Variants in IGSF11 observed in about 807,000 individuals in gnomAD.
IGSF11 encodes the protein CXADR like 1.
Under a neutral mutation model 41.0 loss-of-function variants are expected in IGSF11, and 22 were observed. The ratio of observed to expected loss-of-function variants is 0.54; its 90% CI spans 0.38 to 0.77. IGSF11 has a LOEUF of 0.77. Ranked by LOEUF, IGSF11 falls within the 30% of genes least tolerant of loss-of-function variation. The pLI, the probability that IGSF11 is intolerant of heterozygous loss-of-function variation, is 0.00. For missense variants in IGSF11, 444 were observed against 530.8 expected, an observed-to-expected ratio of 0.84 and a Z score of 1.61; for synonymous variants, 219 against 201.3, an observed-to-expected ratio of 1.09 and a Z score of -0.74.
intron 1 of IGSF11, among the ~76,000 whole-genome samples, chr3:118,988,731 T>C (rs565930374): frequency 2.6e-4 from 40 of 152,266 alleles, no homozygotes; most frequent in African/African-American, 8.9e-4. Flanking sequence ...AGCAACTATT[T>C]GCTTAAAAAA....
intron 1 of IGSF11, among the ~76,000 whole-genome samples, chr3:119,051,487 A>G (rs1051799464): frequency 2.0e-5 from 3 of 152,210 alleles, no homozygotes; most frequent in African/African-American, 7.2e-5. Context: ...AACAATTACT[A>G]CAAGACCTAA....
intron 1 of IGSF11, among the ~76,000 whole-genome samples, chr3:119,116,884 C>T (rs950027439): frequency 6.6e-6 from 1 of 152,104 alleles, no homozygotes; most frequent in Non-Finnish European, 1.5e-5. Flanking sequence ...TGTAGCCCCA[C>T]CCAGAAGTGA....
At chr3:119,051,141 T>C (rs1941608552) in intron 1 of IGSF11, among the ~76,000 whole-genome samples, 1 of 150,240 alleles carries the variant, frequency 6.7e-6, no homozygotes, top group African/African-American at 2.5e-5. Context: ...AAACTTAAAG[T>C]ATAATAATAA....
intron 4 of IGSF11, among the ~76,000 whole-genome samples, chr3:118,920,561 T>C (rs1447982806): frequency 1.3e-5 from 2 of 152,006 alleles, no homozygotes; most frequent in East Asian, 1.9e-4. Context: ...CCAACAAGAA[T>C]TGACCAAAGA....
intron 1 of IGSF11, among the ~76,000 whole-genome samples, chr3:119,045,909 T>A (rs1941329172): frequency 6.6e-6 from 1 of 152,032 alleles, no homozygotes; most frequent in East Asian, 1.9e-4. Flanking sequence ...TCCAGGGTAC[T>A]CCAACAGACC....
At chr3:118,973,485 C>G (rs923919449) in intron 1 of IGSF11, among the ~76,000 whole-genome samples, 1 of 152,174 alleles carries the variant, frequency 6.6e-6, no homozygotes, top group African/African-American at 2.4e-5. Flanking sequence ...TTTCTCTAAC[C>G]TGACTTGTCT....
intron 1 of IGSF11, among the ~76,000 whole-genome samples, chr3:119,101,231 C>CG (rs2076935044): frequency 6.6e-6 from 1 of 152,102 alleles, no homozygotes; most frequent in Non-Finnish European, 1.5e-5. Flanking sequence ...TAAAGCAGGC[C>CG]GGGTGCGGTG....
chr3:119,065,792 C>CAAAAAA (rs1193374379), intron 1 of IGSF11, among the ~76,000 whole-genome samples: 4 of 56,712 alleles, frequency 7.1e-5, no homozygotes, highest in East Asian at 1.1e-3. Context: ...GACTCTGTCT[C>CAAAAAA]AAAAAAAAAA....
chr3:119,056,625 G>C (rs1941846596), intron 1 of IGSF11, among the ~76,000 whole-genome samples: 1 of 152,158 alleles, frequency 6.6e-6, no homozygotes, highest in South Asian at 2.1e-4. Flanking sequence ...CATTTTATGA[G>C]GCCAGCACCA....
At chr3:119,030,749 G>A (rs186622051) in intron 1 of IGSF11, among the ~76,000 whole-genome samples, 5 of 152,218 alleles carry the variant, frequency 3.3e-5, no homozygotes, top group African/African-American at 9.6e-5. Context: ...ATGGTGTGGG[G>A]GCAGTTTTCA....
In IGSF11 at chr3:119,005,597, G is replaced by A. The variant is rs1231064966; in HGVS notation, c.52+28934C>T. On this transcript the variant is annotated intron_variant, in intron 1 of 6. Transcript: ENST00000393775. ...ATTTTGGCATGATTTTGCAGCGGCT[G>A]GTACCGGTTGTTCCTTTCCATGTTT... Among the ~76,000 whole-genome samples the A allele has an allele frequency of 2.6e-3, 313 of 120,024 alleles. 7 individuals are homozygous for A. The highest frequency in any genetic ancestry group is 0.013 in the African/African-American group (283 of 22,570). 78.7% of individuals were successfully genotyped at this position (120,024 alleles called of 152,430 possible).
chr3:118,975,092 C>T (rs1933920494), intron 1 of IGSF11, among the ~76,000 whole-genome samples: 1 of 152,112 alleles, frequency 6.6e-6, no homozygotes, highest in Admixed American at 6.6e-5. Flanking sequence ...GCTCTAATTA[C>T]ATGAAGAACA....
intron 1 of IGSF11, among the ~76,000 whole-genome samples, chr3:119,074,083 AC>A (rs1375424742): frequency 6.6e-6 from 1 of 152,228 alleles, no homozygotes; most frequent in Non-Finnish European, 1.5e-5. Flanking sequence ...TTTCAACACC[AC>A]ACTGACCATA....
chr3:119,046,024 T>TA (rs1179560365), intron 1 of IGSF11, among the ~76,000 whole-genome samples: 1 of 150,780 alleles, frequency 6.6e-6, no homozygotes, highest in Non-Finnish European at 1.5e-5. Context: ...CAAAAGTAGA[T>TA]AAAACCACAA....
intron 1 of IGSF11, among the ~76,000 whole-genome samples, chr3:119,135,490 A>G (rs1310045269): frequency 6.6e-6 from 1 of 152,246 alleles, no homozygotes; most frequent in Non-Finnish European, 1.5e-5. Flanking sequence ...CATCAGAGAA[A>G]TGCAAATCAA....
At chr3:119,127,679 A>G (rs2077422234) in intron 1 of IGSF11, among the ~76,000 whole-genome samples, 1 of 152,208 alleles carries the variant, frequency 6.6e-6, no homozygotes, top group South Asian at 2.1e-4. Context: ...CTACAAAGGG[A>G]AGCCCATCAG....
At chr3:119,072,519 C>T (rs911867272) in intron 1 of IGSF11, among the ~76,000 whole-genome samples, 6 of 152,302 alleles carry the variant, frequency 3.9e-5, no homozygotes, top group Middle Eastern at 3.4e-3. Flanking sequence ...CCGGAGTTTG[C>T]TCCTTCTGAT....
At position 118,901,059 on chromosome 3, in the gene IGSF11, A is replaced by G. The variant is rs1458374347; in HGVS notation, c.*1461T>C. On this transcript the variant is annotated 3_prime_UTR_variant, in exon 7 of 7. Coordinates refer to ENST00000393775, the MANE Select transcript of IGSF11 (RefSeq NM_001015887.3). The stretch of plus-strand genomic sequence containing the variant: ...AGTAAGAGAACACATCCAGAAAGAA[A>G]AGACACTCTTATTGAGACATGGGAT... 6.6e-6 allele frequency: 1 copy of G among 152,628 alleles called. No individual in the cohort carries two copies. Among genetic ancestry groups the G allele is most frequent in the Non-Finnish European group, 1.5e-5 (1 of 68,030 alleles). 9.5% of individuals were successfully genotyped at this position (152,628 alleles called of 1,614,324 possible).
intron 1 of IGSF11, among the ~76,000 whole-genome samples, chr3:119,013,767 T>C (rs1045516261): frequency 3.9e-5 from 6 of 152,232 alleles, no homozygotes; most frequent in Admixed American, 6.5e-5. Context: ...GGACAACGTG[T>C]GTCTTGCCCA....
Sources: gnomAD v4.1 joint callset for allele counts (sites outside exome capture counted in the v4.1 genomes callset) on GRCh38, gnomAD v4.1.1 for gene constraint, MANE v1.5 for transcripts, NCBI Gene and HGNC (gene_info 2026-07-23, HGNC 2026-07-21) for gene names.